The following CSMD2 variants were observed in gnomAD, a reference collection of about 807,000 sequenced individuals.
CSMD2 encodes CUB and Sushi multiple domains 2.
Under a neutral mutation model 398.5 loss-of-function variants are expected in CSMD2, and 130 were observed. That is an observed-to-expected ratio of 0.33 (90% confidence interval 0.28 to 0.38). The LOEUF is 0.38. Among genes scored for constraint, CSMD2 ranks in the 10% least tolerant of loss-of-function variants. The pLI is 1.00. For synonymous variants in CSMD2, 1,828 were observed against 1,908.5 expected (o/e 0.96, Z 1.10); for missense variants, 3,829 against 4,764.9 (o/e 0.80, Z 5.78).
chr1:33,641,446 C>T (rs761503569), intron 29 of CSMD2, among the ~76,000 whole-genome samples: 6 of 152,144 alleles, frequency 3.9e-5, no homozygotes, highest in Non-Finnish European at 7.3e-5. Context: ...TGTTGATATC[C>T]GTGGCCTGGA....
chr1:33,601,399 C>T (rs147163789), intron 43 of CSMD2, among the ~76,000 whole-genome samples: 1 of 152,250 alleles, frequency 6.6e-6, no homozygotes, highest in East Asian at 1.9e-4. Flanking sequence ...TGCTCCATTG[C>T]CTTGTCTTCC....
chr1:33,652,335 A>G lies in CSMD2; in HGVS notation c.4574T>C (p.Leu1525Pro), dbSNP rs1490882272. The change falls in exon 28 of 71, where the codon CTG (leucine) becomes CCG (proline). Residue 1525 changes from leucine (L) to proline (P), a missense_variant. By Grantham distance (98) the Leu-to-Pro change is moderately conservative (BLOSUM62 -3). Coordinates refer to ENST00000373381, the MANE Select transcript of CSMD2 (RefSeq NM_001281956.2). The part of the protein sequence containing the change: ...VTVSPDYVIA[L>P]VFNIFNLEPG... ...GAAAGGTACATACATGTTAAATACC[A>G]GGGCGATGACGTAGTCTGGTGAGAC... is the stretch of plus-strand genomic sequence containing the variant. The G allele has an allele frequency of 6.2e-7, 1 of 1,613,992 alleles. No homozygotes were observed. The highest frequency in any genetic ancestry group is 8.5e-7 in the Non-Finnish European group (1 of 1,179,982).
intron 64 of CSMD2, among the ~76,000 whole-genome samples, chr1:33,531,623 T>C (rs76103841): frequency 1.1e-3 from 160 of 152,332 alleles, no homozygotes; most frequent in African/African-American, 3.4e-3. Context: ...TGATGAGATA[T>C]GATTCACGCA....
chr1:33,700,010 A>ATT (rs5773425), intron 23 of CSMD2, among the ~76,000 whole-genome samples: 154 of 148,274 alleles, frequency 1.0e-3, no homozygotes, highest in Middle Eastern at 6.9e-3. Context: ...ACTTTACTCC[A>ATT]TTTTTTTTTT....
At chr1:33,996,828 A>G (rs1646742044) in intron 3 of CSMD2, among the ~76,000 whole-genome samples, 3 of 152,144 alleles carry the variant, frequency 2.0e-5, no homozygotes, top group Non-Finnish European at 4.4e-5. Flanking sequence ...GAAAGCAGAG[A>G]GAAAGGCAGG....
At chr1:33,934,153 C>T (rs950806439) in intron 4 of CSMD2, among the ~76,000 whole-genome samples, 1 of 152,158 alleles carries the variant, frequency 6.6e-6, no homozygotes, top group African/African-American at 2.4e-5. Context: ...TACAGAAAAT[C>T]TTCCTCCAAA....
intron 25 of CSMD2, among the ~76,000 whole-genome samples, chr1:33,664,903 T>A (rs1308811769): frequency 6.6e-6 from 1 of 152,182 alleles, no homozygotes; most frequent in Non-Finnish European, 1.5e-5. Flanking sequence ...TCAATTTATA[T>A]TCGCACTAAT....
Position 33,519,974 on chromosome 1 carries a change from G to A in CSMD2, c.10598-24C>T. 6.2e-7 allele frequency: 1 copy of A among 1,612,776 alleles called. No individual in the cohort carries two copies. The highest frequency in any genetic ancestry group is 8.5e-7 in the Non-Finnish European group (1 of 1,178,906). On this transcript the variant is annotated intron_variant, in intron 68 of 70. Coordinates refer to ENST00000373381, the MANE Select transcript of CSMD2 (RefSeq NM_001281956.2). The surrounding 1 kb of genome is among the most constrained non-coding windows in gnomAD (Gnocchi z 5.6). ...GTCTGTAAAGTCCCAAAGCAGAAAA[G>A]TCAAGTCACGAGACACAGTCTGAGG...
At chr1:34,085,096 T>C (rs1657704557) in intron 2 of CSMD2, among the ~76,000 whole-genome samples, 1 of 152,176 alleles carries the variant, frequency 6.6e-6, no homozygotes, top group Non-Finnish European at 1.5e-5. Context: ...TGGATGAAGC[T>C]GGAAACCATC....
chr1:34,022,085 T>C (rs1052400253), intron 3 of CSMD2, among the ~76,000 whole-genome samples: 2 of 152,194 alleles, frequency 1.3e-5, no homozygotes, highest in African/African-American at 4.8e-5. Flanking sequence ...TTTTCTTGCC[T>C]GGGCCTTTCA....
chr1:33,580,822 T>G lies in CSMD2; in HGVS notation c.7318A>C (p.Asn2440His). Reference protein sequence around the residue: ...SAPLIVTSSSNSVYLRWSSDH... With the variant: ...SAPLIVTSSSHSVYLRWSSDH... ...GATGACCAACGCAGGTACACAGAGT[T>G]GCTTGAGCTGGTGACAATCAGGGGA... The change falls in exon 48 of 71, where the codon AAC becomes CAC. Residue 2440 changes from asparagine to histidine, a missense_variant. Asn to His is a moderately conservative substitution (Grantham distance 68, BLOSUM62 1). Around this residue, in one of 5 missense-constraint regions of CSMD2, gnomAD observed 723 missense variants for 758.6 expected, o/e 0.95. Coordinates refer to ENST00000373381, the MANE Select transcript of CSMD2 (RefSeq NM_001281956.2). The G allele has an allele frequency of 6.2e-7, 1 of 1,614,132 alleles. No homozygotes were observed.
chr1:34,156,040 C>G (rs1279840115), intron 1 of CSMD2, among the ~76,000 whole-genome samples: 2 of 152,156 alleles, frequency 1.3e-5, no homozygotes, highest in Non-Finnish European at 2.9e-5. Flanking sequence ...ATGAGTCAGC[C>G]CTTCTAGGAA....
chr1:33,539,659 T>C (rs1441941047), intron 60 of CSMD2, among the ~76,000 whole-genome samples: 1 of 152,202 alleles, frequency 6.6e-6, no homozygotes, highest in African/African-American at 2.4e-5. Context: ...TTTTTTGTAT[T>C]TTCTAATGGG....
rs1471230446 is a variant in CSMD2, at chr1:33,636,276, C to T, written c.4969+84G>A. 20 of 1,372,664 alleles carry T rather than the reference C, an allele frequency of 1.5e-5. No homozygotes were observed. The highest frequency in any genetic ancestry group is 5.6e-5 in the South Asian group (4 of 71,282). 85.0% of individuals were successfully genotyped at this position (1,372,664 alleles called of 1,614,324 possible). A position where few individuals can be genotyped will look rare whatever the true frequency, so the allele number is the denominator to read the frequency against. On this transcript the variant is annotated intron_variant, in intron 30 of 70. Coordinates refer to ENST00000373381, the MANE Select transcript of CSMD2 (RefSeq NM_001281956.2). The surrounding 1 kb of genome is among the most constrained non-coding windows in gnomAD (Gnocchi z 4.8). ...GAGCCGGGCTTGAGGACCTTGCCCC[C>T]CTCCCTTCCCCAGCCCACAGCACCC...
chr1:33,646,709 G>A lies in CSMD2; in HGVS notation c.4713C>T (p.Leu1571=). Residue 1571 remains leucine, a synonymous_variant, in exon 29 of 71, where the codon CTC becomes CTT. Coordinates refer to ENST00000373381, the MANE Select transcript of CSMD2 (RefSeq NM_001281956.2). ...PGRIESSSNS[L]FLAFRSDASV... ...ATGCATCGCTGCGGAAGGCGAGGAA[G>A]AGGCTGTTGCTGCTGCTTTCAATGC... is the stretch of plus-strand genomic sequence containing the variant. The A allele has an allele frequency of 6.2e-7, 1 of 1,614,218 alleles. No homozygotes were observed. Among genetic ancestry groups the A allele is most frequent in the South Asian group, 1.1e-5 (1 of 91,086 alleles).
chr1:33,611,091 A>G lies in CSMD2; in HGVS notation c.6293T>C (p.Phe2098Ser). 1 of 1,614,060 alleles carries G rather than the reference A, an allele frequency of 6.2e-7. No individual in the cohort carries two copies. The highest frequency in any genetic ancestry group is 2.2e-5 in the East Asian group (1 of 44,874). ...LSTSHETTVY[F>S]HSDHSQNRPG... Reference sequence around the variant, plus strand: ...CCGATTCTGGGAGTGGTCGCTGTGGAAATACACGGTGGTCTCGTGGGACGT... The same window carrying G: ...CCGATTCTGGGAGTGGTCGCTGTGGGAATACACGGTGGTCTCGTGGGACGT... The change falls in exon 41 of 71, where the codon TTC becomes TCC. Residue 2098 changes from phenylalanine (F) to serine (S), a missense_variant. Around this residue, in one of 5 missense-constraint regions of CSMD2, gnomAD observed 2,001 missense variants for 2,567.1 expected, o/e 0.78. Coordinates refer to ENST00000373381, the MANE Select transcript of CSMD2 (RefSeq NM_001281956.2).
At chr1:34,124,325 T>A (rs1662517464) in intron 1 of CSMD2, among the ~76,000 whole-genome samples, 1 of 152,050 alleles carries the variant, frequency 6.6e-6, no homozygotes, top group Non-Finnish European at 1.5e-5. Flanking sequence ...TCACATAAAA[T>A]TTGGGGGACA....
chr1:33,863,461 C>CCTCTTT (rs1210085218), intron 5 of CSMD2: 1 of 152,172 alleles, frequency 6.6e-6, no homozygotes, highest in African/African-American at 2.4e-5. Context: ...GGTTCTCCCC[C>CCTCTTT]CTCTTTCGCC....
intron 2 of CSMD2, among the ~76,000 whole-genome samples, chr1:34,087,612 TATAATA>T (rs71717621): frequency 0.033 from 4,608 of 138,254 alleles, 109 homozygotes; most frequent in Non-Finnish European, 0.046. Flanking sequence ...GAACTTAAAG[TATAATA>T]ATAATAATAA....
Sources: gnomAD v4.1 joint callset for allele counts (sites outside exome capture counted in the v4.1 genomes callset) on GRCh38, gnomAD v4.1.1 for gene constraint, gnomAD v4.1.1 regional missense constraint, Gnocchi (gnomAD v3.1) non-coding constraint, MANE v1.5 for transcripts, NCBI Gene and HGNC (gene_info 2026-07-23, HGNC 2026-07-21) for gene names.